HNRNPUL1: variants seen among roughly 807,000 people sequenced by gnomAD.
HNRNPUL1 encodes the protein heterogeneous nuclear ribonucleoprotein U-like protein 1.
In HNRNPUL1, 14 loss-of-function variants were observed where a neutral mutation model predicts 108.5. The observed-to-expected ratio is 0.13, with a 90% CI of 0.09 to 0.20. The LOEUF is 0.20. Ranked by LOEUF, HNRNPUL1 falls within the 10% of genes least tolerant of loss-of-function variation. HNRNPUL1 has a pLI of 1.00. For synonymous variants in HNRNPUL1, 422 were observed against 445.2 expected (o/e 0.95, Z 0.66); for missense variants, 804 against 1,168.3 (o/e 0.69, Z 4.55).
In HNRNPUL1 at chr19:41,264,417, C is replaced by T; in HGVS notation, c.-87C>T. On this transcript the variant is annotated 5_prime_UTR_variant, in exon 1 of 15. Coordinates refer to ENST00000392006, the MANE Select transcript of HNRNPUL1 (RefSeq NM_007040.6). ...TTGGAGTGGGCCCCCCCCCTTTCCCCCTTCGCCTCCTGACAGGAAAGGTTT... is the reference window on the plus strand; with the variant it reads ...TTGGAGTGGGCCCCCCCCCTTTCCCTCTTCGCCTCCTGACAGGAAAGGTTT... 8.6e-7 allele frequency: 1 copy of T among 1,166,530 alleles called. No individual in the cohort carries two copies. Among genetic ancestry groups the T allele is most frequent in the African/African-American group, 1.6e-5 (1 of 62,652 alleles). The allele number at this position is 1,166,530 out of a possible 1,614,324, so 72.3% of individuals were successfully genotyped here.
chr19:41,291,194 G>A (rs10421990), intron 7 of HNRNPUL1, among the ~76,000 whole-genome samples: 33,600 of 152,044 alleles, frequency 0.22, 4,377 homozygotes, highest in East Asian at 0.35. Flanking sequence ...ATCTGACCTT[G>A]TGTTCTGTCA....
chr19:41,264,046 T>C (rs980150420), upstream of HNRNPUL1, among the ~76,000 whole-genome samples: 2 of 152,214 alleles, frequency 1.3e-5, no homozygotes, highest in Admixed American at 6.5e-5. Flanking sequence ...CGTGGGACAC[T>C]CATTCTGAGA....
chr19:41,275,222 A>G (rs2035475879), intron 4 of HNRNPUL1, among the ~76,000 whole-genome samples: 2 of 152,144 alleles, frequency 1.3e-5, no homozygotes, highest in Non-Finnish European at 1.5e-5. Context: ...AAATTGATAG[A>G]ATTACCACAG....
Position 41,272,929 on chromosome 19 carries a change from A to T in HNRNPUL1, c.572+694A>T, listed in dbSNP as rs987907701. On this transcript the variant is annotated intron_variant, in intron 3 of 14. Transcript: ENST00000392006. ...GAAGCCTTTTGCAATTATGAAAACT[A>T]GGAATGGCCACTGTACTCATCTGGA... is the stretch of plus-strand genomic sequence containing the variant. Among the ~76,000 whole-genome samples the T allele has an allele frequency of 4.6e-5, 7 of 152,218 alleles. No individual in the cohort carries two copies. In the East Asian group the frequency reaches 1.4e-3, roughly 29 times the overall value.
chr19:41,276,206 T>C lies in HNRNPUL1; in HGVS notation c.694T>C (p.Tyr232His). The C allele has an allele frequency of 6.2e-7, 1 of 1,613,956 alleles. No individual in the cohort carries two copies. Among genetic ancestry groups the C allele is most frequent in the Non-Finnish European group, 8.5e-7 (1 of 1,179,996 alleles). ...FKVARDRSSG[Y>H]PLTIEGFAYL... ...GGTGGCCCGAGATCGGAGTAGTGGC[T>C]ATCCGCTCACAATTGAGGGCTTTGC... Residue 232 changes from tyrosine to histidine, a missense_variant, in exon 5 of 15, where the codon TAT becomes CAT. Around this residue, in one of 4 missense-constraint regions of HNRNPUL1, gnomAD observed 174 missense variants for 296.6 expected, o/e 0.59. Transcript: ENST00000392006.
In HNRNPUL1 at chr19:41,283,082, A is replaced by G. The variant is rs12971430; in HGVS notation, c.999+1807A>G. Among the ~76,000 whole-genome samples the G allele has an allele frequency of 9.6e-3, 1,461 of 152,322 alleles. 10 individuals are homozygous for G. The highest frequency in any genetic ancestry group is 0.02 in the Middle Eastern group (6 of 294). ...ATAGCCTAGAAATATCGGTAAGATTAAGAAAAAGTTAAGCATGTCATGAAT... is the reference window on the plus strand; with the variant it reads ...ATAGCCTAGAAATATCGGTAAGATTGAGAAAAAGTTAAGCATGTCATGAAT... On this transcript the variant is annotated intron_variant, in intron 7 of 14. Coordinates refer to ENST00000392006, the MANE Select transcript of HNRNPUL1 (RefSeq NM_007040.6).
At chr19:41,302,062 A>G (rs1461399270) in intron 11 of HNRNPUL1, among the ~76,000 whole-genome samples, 13 of 151,214 alleles carry the variant, frequency 8.6e-5, no homozygotes, top group Admixed American at 8.6e-4. Context: ...CATCTGTCTG[A>G]CCCATTCCCT....
intron 3 of HNRNPUL1, among the ~76,000 whole-genome samples, chr19:41,273,727 C>G (rs1459127332): frequency 6.6e-6 from 1 of 152,108 alleles, no homozygotes; most frequent in Non-Finnish European, 1.5e-5. Context: ...TGAAAAAATT[C>G]CCTAAATGAT....
chr19:41,295,216 T>C (rs577606443), intron 10 of HNRNPUL1, among the ~76,000 whole-genome samples: 67 of 152,326 alleles, frequency 4.4e-4, no homozygotes, highest in African/African-American at 1.5e-3. Context: ...CTTCCGTCAT[T>C]TTCTCTTCAC....
At chr19:41,269,129 GCT>G (rs1327330955) in intron 2 of HNRNPUL1, among the ~76,000 whole-genome samples, 1 of 151,422 alleles carries the variant, frequency 6.6e-6, no homozygotes, top group Non-Finnish European at 1.5e-5. Flanking sequence ...AACATTAAAG[GCT>G]CTGAGAAGTC....
At chr19:41,293,419 CTT>C (rs758074206) in intron 8 of HNRNPUL1, among the ~76,000 whole-genome samples, 1 of 152,200 alleles carries the variant, frequency 6.6e-6, no homozygotes, top group Non-Finnish European at 1.5e-5. Context: ...AAAAACCTCT[CTT>C]TGAACATCAT....
intron 6 of HNRNPUL1, among the ~76,000 whole-genome samples, chr19:41,280,218 A>G (rs2035822556): frequency 6.6e-6 from 1 of 152,204 alleles, no homozygotes; most frequent in South Asian, 2.1e-4. Context: ...CAGAAGTGTT[A>G]GGGGGTAACA....
chr19:41,279,138 G>A lies in HNRNPUL1; in HGVS notation c.848G>A (p.Arg283His). 1 of 1,613,742 alleles carries A rather than the reference G, an allele frequency of 6.2e-7. No individual in the cohort carries two copies. Among genetic ancestry groups the A allele is most frequent in the South Asian group, 1.1e-5 (1 of 91,084 alleles). Residue 283 changes from arginine (R) to histidine (H), a missense_variant, in exon 6 of 15, where the codon CGT (arginine) becomes CAT (histidine). Arg to His is a conservative substitution (Grantham distance 29, BLOSUM62 0). This residue lies in a region of HNRNPUL1 where 174 missense variants were observed against 296.6 expected (regional missense o/e 0.59). Transcript: ENST00000392006. ...PSTEPDPHVV[R>H]IGWSLDSCST... ...ACAGAGCCTGACCCCCACGTGGTCCGTATCGGCTGGTCCCTGGACTCCTGC... is the reference window on the plus strand; with the variant it reads ...ACAGAGCCTGACCCCCACGTGGTCCATATCGGCTGGTCCCTGGACTCCTGC...
At position 41,264,674 on chromosome 19, in the gene HNRNPUL1, C is replaced by G; in HGVS notation, c.171C>G (p.Pro57=). Residue 57 remains proline, a synonymous_variant, in exon 1 of 15, where the codon CCC becomes CCG. Transcript: ENST00000392006. ...ELDADDEPGR[P]GHINEEVETE... Reference sequence around the variant, plus strand: ...ACGCCGACGACGAACCGGGGCGACCCGGGCACATCAACGAGGAGGTCGAGA... The same window carrying G: ...ACGCCGACGACGAACCGGGGCGACCGGGGCACATCAACGAGGAGGTCGAGA... The G allele has an allele frequency of 6.3e-7, 1 of 1,578,226 alleles. No homozygotes were observed. The highest frequency in any genetic ancestry group is 8.6e-7 in the Non-Finnish European group (1 of 1,168,928).
chr19:41,293,112 A>G (rs1369178600), intron 8 of HNRNPUL1, among the ~76,000 whole-genome samples: 1 of 152,172 alleles, frequency 6.6e-6, no homozygotes, highest in African/African-American at 2.4e-5. Context: ...GGCCTTTGGG[A>G]AGATTTGATT....
chr19:41,264,680 C>T lies in HNRNPUL1; in HGVS notation c.177C>T (p.His59=). 6.3e-7 allele frequency: 1 copy of T among 1,575,894 alleles called. No individual in the cohort carries two copies. Among genetic ancestry groups the T allele is most frequent in the Non-Finnish European group, 8.6e-7 (1 of 1,167,490 alleles). ...ACGACGAACCGGGGCGACCCGGGCACATCAACGAGGAGGTCGAGACCGAGG... is the reference window on the plus strand; with the variant it reads ...ACGACGAACCGGGGCGACCCGGGCATATCAACGAGGAGGTCGAGACCGAGG... The part of the protein sequence containing the change: ...DADDEPGRPG[H]INEEVETEGG... The change falls in exon 1 of 15, where the codon CAC becomes CAT. Residue 59 remains histidine (H), a synonymous_variant. Coordinates refer to ENST00000392006, the MANE Select transcript of HNRNPUL1 (RefSeq NM_007040.6).
At chr19:41,265,364 G>A (rs1170927963) in intron 1 of HNRNPUL1, 6 of 1,524,896 alleles carry the variant, frequency 3.9e-6, no homozygotes, top group African/African-American at 2.8e-5. Flanking sequence ...GGGTGGGAGA[G>A]GTGGAGGCGC....
intron 10 of HNRNPUL1, among the ~76,000 whole-genome samples, chr19:41,298,083 G>A (rs117699060): frequency 0.018 from 2,698 of 152,150 alleles, 53 homozygotes; most frequent in Admixed American, 0.032. Context: ...ATCTAGCTAG[G>A]TTTCTCCTGC....
chr19:41,304,083 A>G lies in HNRNPUL1; in HGVS notation c.2084A>G (p.Gln695Arg). 1 of 1,613,254 alleles carries G rather than the reference A, an allele frequency of 6.2e-7. No homozygotes were observed. Among genetic ancestry groups the G allele is most frequent in the Non-Finnish European group, 8.5e-7 (1 of 1,179,318 alleles). Residue 695 changes from glutamine (Q) to arginine (R), a missense_variant, in exon 13 of 15, where the codon CAG (glutamine) becomes CGG (arginine). By Grantham distance (43) the Gln-to-Arg change is conservative (BLOSUM62 1). This residue lies in a region of HNRNPUL1 where 294 missense variants were observed against 388.3 expected (regional missense o/e 0.76). Transcript: ENST00000392006. ...AGCTACAACCGGGCTCCCCAGCAAC[A>G]GCCGCCACCACAGCAGCCTCCGCCA... ...RGSYNRAPQQ[Q>R]PPPQQPPPPQ...
Sources: allele counts gnomAD v4.1 joint callset (sites outside exome capture counted in the v4.1 genomes callset), GRCh38; gene constraint gnomAD v4.1.1; regional missense constraint gnomAD v4.1.1; transcripts MANE v1.5; gene names NCBI Gene and HGNC (gene_info 2026-07-23, HGNC 2026-07-21).